STEAP3: variants seen among roughly 807,000 people sequenced by gnomAD.
The protein encoded by STEAP3 is STEAP3 metalloreductase, also known as metalloreductase STEAP3.
In STEAP3, 35 loss-of-function variants were observed where a neutral mutation model predicts 34.9. The observed-to-expected ratio is 1.00, with a 90% CI of 0.76 to 1.33. The LOEUF (loss-of-function observed/expected upper bound fraction) is 1.33, where lower values mean the gene tolerates loss of function less well. STEAP3 is among the 40% of genes most tolerant of loss of function. STEAP3 has a pLI of 0.00. For synonymous variants in STEAP3, 281 were observed against 301.6 expected, an observed-to-expected ratio of 0.93 and a Z score of 0.71; for missense variants, 652 against 667.6, an observed-to-expected ratio of 0.98 and a Z score of 0.26.
At chr2:119,239,798 G>A (rs936831761) in intron 2 of STEAP3, among the ~76,000 whole-genome samples, 4 of 152,200 alleles carry the variant, frequency 2.6e-5, no homozygotes, top group African/African-American at 9.6e-5. Flanking sequence ...AAGGTCTCCA[G>A]GGTGTGTGTG....
chr2:119,263,753 T>C lies in STEAP3; in HGVS notation c.*415T>C, dbSNP rs992029387. 2 of 305,826 alleles carry C rather than the reference T, an allele frequency of 6.5e-6. No individual in the cohort carries two copies. The highest frequency in any genetic ancestry group is 6.2e-6 in the Non-Finnish European group (1 of 160,456). The allele number at this position is 305,826 out of a possible 1,614,324, so 18.9% of individuals were successfully genotyped here. The stretch of plus-strand genomic sequence containing the variant: ...TCCCTGCCCACCCCACCCCCACAAC[T>C]TCCCTTTTGCTACTTCCCCAAGGCT... On this transcript the variant is annotated 3_prime_UTR_variant, in exon 6 of 6. Transcript: ENST00000393110.
chr2:119,262,925 G>A (rs1677985153), intron 5 of STEAP3, 132 bp from the exon 6 acceptor site: 1 of 1,193,286 alleles, frequency 8.4e-7, no homozygotes, highest in East Asian at 2.3e-5. Context: ...ACAGGACTGG[G>A]GTTCCAACCC....
rs1035191946 is a variant in STEAP3 at position 119,264,628 on chromosome 2, G to C, written c.*1290G>C. 1 of 152,226 alleles carries C rather than the reference G, an allele frequency of 6.6e-6. No homozygotes were observed. Among genetic ancestry groups the C allele is most frequent in the Non-Finnish European group, 1.5e-5 (1 of 68,102 alleles). 9.4% of individuals were successfully genotyped at this position (152,226 alleles called of 1,614,324 possible). A position where few individuals can be genotyped will look rare whatever the true frequency, so the allele number is the denominator to read the frequency against. On this transcript the variant is annotated 3_prime_UTR_variant, in exon 6 of 6. Coordinates refer to ENST00000393110, the MANE Select transcript of STEAP3 (RefSeq NM_182915.3). ...TGTGAAGAAACAGGTGTTCTCGGCT[G>C]AGCCCCCAACCCTCTGCAGAACCAG... is the stretch of plus-strand genomic sequence containing the variant.
chr2:119,260,200 G>A (rs1180648318), intron 5 of STEAP3, among the ~76,000 whole-genome samples: 2 of 151,962 alleles, frequency 1.3e-5, no homozygotes, highest in Non-Finnish European at 2.9e-5. Flanking sequence ...AGCCATCTTG[G>A]CAACACCAAT....
At chr2:119,224,120 C>T (rs1678958112) in intron 1 of STEAP3, among the ~76,000 whole-genome samples, 1 of 152,214 alleles carries the variant, frequency 6.6e-6, no homozygotes, top group South Asian at 2.1e-4. Context: ...GCCGCTTGCG[C>T]CGCGCAGGTT....
In STEAP3 at chr2:119,263,128, C is replaced by A. The variant is rs546900400; in HGVS notation, c.1287C>A (p.Phe429Leu). 1 of 1,613,522 alleles carries A rather than the reference C, an allele frequency of 6.2e-7. No individual in the cohort carries two copies. Among genetic ancestry groups the A allele is most frequent in the Middle Eastern group, 1.7e-4 (1 of 6,016 alleles). ...TCACCTACGGCTGGACCCGCGCCTT[C>A]GAGGAGAGCCGCTACAAGTTCTACC... ...HTLTYGWTRAFEESRYKFYLP... is the reference protein window; with the variant it reads ...HTLTYGWTRALEESRYKFYLP... The change falls in exon 6 of 6, where the codon TTC becomes TTA. Residue 429 changes from phenylalanine (F) to leucine (L), a missense_variant. Coordinates refer to ENST00000393110, the MANE Select transcript of STEAP3 (RefSeq NM_182915.3).
chr2:119,257,420 C>T lies in STEAP3; in HGVS notation c.1215+2572C>T, dbSNP rs573998190. 104 of 1,428,104 alleles carry T rather than the reference C, an allele frequency of 7.3e-5. No individual in the cohort carries two copies. In the South Asian group the frequency reaches 1.6e-3, roughly 21 times the overall value. 88.5% of individuals were successfully genotyped at this position (1,428,104 alleles called of 1,614,324 possible). On this transcript the variant is annotated intron_variant, in intron 5 of 5. Transcript: ENST00000393110. Reference sequence around the variant, plus strand: ...GGATGGCTCTGGCAATCTATTTTTGCAGCTCCCTAAGTGACTGATAGGTGC... The same window carrying T: ...GGATGGCTCTGGCAATCTATTTTTGTAGCTCCCTAAGTGACTGATAGGTGC...
chr2:119,224,679 C>T (rs1213836797), intron 1 of STEAP3, among the ~76,000 whole-genome samples: 1 of 152,126 alleles, frequency 6.6e-6, no homozygotes, highest in Non-Finnish European at 1.5e-5. Flanking sequence ...GAGAGGCCTC[C>T]CAAATATCCA....
chr2:119,234,153 G>A (rs1489443269), intron 2 of STEAP3, among the ~76,000 whole-genome samples: 1 of 148,074 alleles, frequency 6.8e-6, no homozygotes, highest in Non-Finnish European at 1.5e-5. Context: ...GCCTCTGTGT[G>A]TCTTGGCTAA....
chr2:119,242,389 G>A (rs890349798), intron 2 of STEAP3, among the ~76,000 whole-genome samples: 7 of 152,196 alleles, frequency 4.6e-5, no homozygotes, highest in Non-Finnish European at 8.8e-5. Context: ...ACCACAAGGG[G>A]AGACTTGGCC....
At chr2:119,238,032 A>T (rs1167253794) in intron 2 of STEAP3, among the ~76,000 whole-genome samples, 1 of 152,218 alleles carries the variant, frequency 6.6e-6, no homozygotes, top group African/African-American at 2.4e-5. Context: ...AATCCACCGG[A>T]TGGATAGGCC....
intron 2 of STEAP3, among the ~76,000 whole-genome samples, chr2:119,233,854 C>T (rs1024049408): frequency 2.0e-5 from 3 of 152,210 alleles, no homozygotes; most frequent in Admixed American, 2.0e-4. Flanking sequence ...AACATCAAAG[C>T]TGTTGCAAAA....
intron 2 of STEAP3, among the ~76,000 whole-genome samples, chr2:119,238,667 C>G (rs960786394): frequency 5.3e-5 from 8 of 152,180 alleles, no homozygotes; most frequent in Non-Finnish European, 8.8e-5. Context: ...GGTGAGCAGG[C>G]AGACAGACAG....
chr2:119,253,792 G>A (rs2104837129), intron 4 of STEAP3, among the ~76,000 whole-genome samples: 1 of 152,128 alleles, frequency 6.6e-6, no homozygotes, highest in Middle Eastern at 3.4e-3. Flanking sequence ...GGTTCATAGG[G>A]GCTCCCCAAT....
chr2:119,235,548 C>T (rs57586381), intron 2 of STEAP3, among the ~76,000 whole-genome samples: 7,566 of 152,328 alleles, frequency 0.05, 300 homozygotes, highest in Middle Eastern at 0.11. Context: ...GCAGCACCAG[C>T]AATTCTGGAT....
chr2:119,240,436 C>T (rs1677214083), intron 2 of STEAP3, among the ~76,000 whole-genome samples: 1 of 152,230 alleles, frequency 6.6e-6, no homozygotes, highest in South Asian at 2.1e-4. Context: ...TCCATACCGA[C>T]CTCACAGCAA....
chr2:119,247,769 C>T lies in STEAP3; in HGVS notation c.613C>T (p.Leu205=), dbSNP rs528158589. The T allele has an allele frequency of 1.9e-6, 3 of 1,606,662 alleles. No homozygotes were observed. Among genetic ancestry groups the T allele is most frequent in the Admixed American group, 1.7e-5 (1 of 59,846 alleles). ...CTTCATGCCCGTGGACATGGGATCC[C>T]TGGCGTCAGCCTGGGAGGTGGAGGC... ...MGFMPVDMGS[L]ASAWEVEAMP... Residue 205 remains leucine, a synonymous_variant, in exon 4 of 6, where the codon CTG becomes TTG. Coordinates refer to ENST00000393110, the MANE Select transcript of STEAP3 (RefSeq NM_182915.3).
intron 4 of STEAP3, chr2:119,248,476 T>C (rs1422885394): frequency 6.3e-6 from 3 of 472,786 alleles, no homozygotes; most frequent in Middle Eastern, 5.4e-4. Context: ...ATAGTGGGCG[T>C]TGAGAGGATC....
chr2:119,239,973 A>G (rs1677198525), intron 2 of STEAP3, among the ~76,000 whole-genome samples: 1 of 152,248 alleles, frequency 6.6e-6, no homozygotes, highest in Non-Finnish European at 1.5e-5. Context: ...AAAGAAATAG[A>G]GCAGTAATAG....
Sources: allele counts gnomAD v4.1 joint callset (sites outside exome capture counted in the v4.1 genomes callset), GRCh38; gene constraint gnomAD v4.1.1; transcripts MANE v1.5; gene names NCBI Gene and HGNC (gene_info 2026-07-23, HGNC 2026-07-21).